The following DLG2 variants were observed in gnomAD, a reference collection of about 807,000 sequenced individuals.
DLG2 encodes the protein discs large MAGUK scaffold protein 2.
DLG2 carries 45 observed loss-of-function variants against 132.5 expected under a neutral mutation model. The ratio of observed to expected loss-of-function variants is 0.34; its 90% CI spans 0.27 to 0.44. The LOEUF is 0.44. Ranked by LOEUF, DLG2 falls within the 20% of genes least tolerant of loss-of-function variation. The probability of loss-of-function intolerance (pLI) is 1.00; values close to 1 mark genes in which losing one functional copy is unlikely to be tolerated. For missense variants in DLG2, 1,045 were observed against 1,196.9 expected (o/e 0.87, Z 1.87); for synonymous variants, 424 against 419.6 (o/e 1.01, Z -0.13).
rs561677054 is a variant in DLG2 at position 85,380,089 on chromosome 11, AC to A, written c.41-94725del. ...ATTTTTACACACATAAGAACTCCTCACCTAAATATCACCCACAGCTAACATT... is the reference window on the plus strand; with the variant it reads ...ATTTTTACACACATAAGAACTCCTCACTAAATATCACCCACAGCTAACATT... On this transcript the variant is annotated intron_variant, in intron 3 of 27. Coordinates refer to ENST00000376104, the MANE Select transcript of DLG2 (RefSeq NM_001142699.3). Among the ~76,000 whole-genome samples, 14 of 152,290 alleles carry A rather than the reference AC, an allele frequency of 9.2e-5. 1 individual carries two copies. The South Asian group carries it at 2.9e-3, about 32-fold the overall frequency.
intron 7 of DLG2, among the ~76,000 whole-genome samples, chr11:84,282,916 T>C (rs938069304): frequency 6.6e-6 from 1 of 152,200 alleles, no homozygotes; most frequent in Non-Finnish European, 1.5e-5. Context: ...TCTATAGGTA[T>C]ATTTTAAACA....
chr11:85,609,488 C>G (rs529635819), intron 2 of DLG2, among the ~76,000 whole-genome samples: 2 of 152,132 alleles, frequency 1.3e-5, no homozygotes, highest in Non-Finnish European at 2.9e-5. Flanking sequence ...GAAAATGGAG[C>G]AGGCCAATCA....
intron 11 of DLG2, among the ~76,000 whole-genome samples, chr11:84,043,410 G>T (rs940289322): frequency 2.6e-5 from 4 of 151,490 alleles, no homozygotes; most frequent in Non-Finnish European, 5.9e-5. Flanking sequence ...AGGTTCTGAG[G>T]TACGTGTGCA....
chr11:84,756,580 G>A (rs1040764649), intron 6 of DLG2, among the ~76,000 whole-genome samples: 1 of 152,124 alleles, frequency 6.6e-6, no homozygotes, highest in Admixed American at 6.5e-5. Flanking sequence ...TACCTTAGAA[G>A]GTTGTTAAGA....
Position 85,578,074 on chromosome 11 carries a change from A to G in DLG2, c.40+20583T>C, listed in dbSNP as rs144208284. ...ACAAGTGGAACAGAATAGAGAACCC[A>G]GCAATAAGAGCACACACCTACCACA... On this transcript the variant is annotated intron_variant, in intron 3 of 27. Coordinates refer to ENST00000376104, the MANE Select transcript of DLG2 (RefSeq NM_001142699.3). Among the ~76,000 whole-genome samples the G allele has an allele frequency of 5.3e-3, 811 of 152,278 alleles. 4 individuals are homozygous for G. Among genetic ancestry groups the G allele is most frequent in the Middle Eastern group, 0.017 (5 of 294 alleles).
intron 21 of DLG2, among the ~76,000 whole-genome samples, chr11:83,497,476 G>A (rs930205528): frequency 6.6e-6 from 1 of 151,812 alleles, no homozygotes; most frequent in Non-Finnish European, 1.5e-5. Context: ...CAGAGGATGC[G>A]GTGAGCCGAG....
intron 18 of DLG2, among the ~76,000 whole-genome samples, chr11:83,754,903 C>T (rs1471780428): frequency 1.3e-5 from 2 of 151,202 alleles, no homozygotes; most frequent in Admixed American, 6.6e-5. Context: ...TTTCTATAAT[C>T]GCTTTCATTT....
chr11:84,650,244 C>T (rs766859334), intron 6 of DLG2, among the ~76,000 whole-genome samples: 23 of 152,252 alleles, frequency 1.5e-4, no homozygotes, highest in Middle Eastern at 3.4e-3. Flanking sequence ...TTCTTTCTCC[C>T]ACTACAATTG....
chr11:85,023,889 T>G (rs889753294), intron 6 of DLG2, among the ~76,000 whole-genome samples: 3 of 152,164 alleles, frequency 2.0e-5, no homozygotes, highest in Admixed American at 2.0e-4. Context: ...AAACATAAAA[T>G]TGAAGTTTAT....
chr11:83,514,800 G>T (rs942912599), intron 21 of DLG2, among the ~76,000 whole-genome samples: 1 of 152,198 alleles, frequency 6.6e-6, no homozygotes, highest in Admixed American at 6.5e-5. Context: ...TGTGGTTTTT[G>T]TCATTGGTTC....
Position 84,124,207 on chromosome 11 carries a change from T to C in DLG2, c.625-25160A>G, listed in dbSNP as rs530756647. Among the ~76,000 whole-genome samples, 3 of 152,326 alleles carry C rather than the reference T, an allele frequency of 2.0e-5. No homozygotes were observed. The South Asian group carries it at 6.2e-4, about 32-fold the overall frequency. On this transcript the variant is annotated intron_variant, in intron 9 of 27. Transcript: ENST00000376104. ...TGACCACTACCAGCACATGTTTTTT[T>C]CCTATGTTATAGGTTTAACCAGAAA...
intron 6 of DLG2, chr11:84,955,504 A>T (rs1319172366): frequency 6.6e-6 from 1 of 152,094 alleles, no homozygotes; most frequent in East Asian, 1.9e-4. Flanking sequence ...CAAGCAGAGG[A>T]TTTTAGACTT....
At chr11:83,829,732 C>CTCAT (rs1555020271) in intron 17 of DLG2, among the ~76,000 whole-genome samples, 1 of 150,922 alleles carries the variant, frequency 6.6e-6, no homozygotes, top group Non-Finnish European at 1.5e-5. Context: ...TAGCCATTTT[C>CTCAT]TTATTTATTT....
At chr11:84,984,620 A>G (rs1244650446) in intron 6 of DLG2, among the ~76,000 whole-genome samples, 2 of 152,180 alleles carry the variant, frequency 1.3e-5, no homozygotes, top group African/African-American at 2.4e-5. Flanking sequence ...AAATAGCACA[A>G]TGAATGGAAT....
chr11:85,580,191 T>G (rs753787194), intron 3 of DLG2, among the ~76,000 whole-genome samples: 14 of 152,198 alleles, frequency 9.2e-5, no homozygotes, highest in Non-Finnish European at 4.4e-5. Context: ...CCCAGCCACA[T>G]GGAACTGTAA....
At chr11:85,357,238 T>TG (rs2083772506) in intron 3 of DLG2, among the ~76,000 whole-genome samples, 1 of 118,128 alleles carries the variant, frequency 8.5e-6, no homozygotes, top group Non-Finnish European at 1.8e-5. Flanking sequence ...AATATCCTCT[T>TG]TGTGTGTGTG....
At chr11:83,726,576 G>A (rs191617374) in intron 18 of DLG2, among the ~76,000 whole-genome samples, 56 of 152,252 alleles carry the variant, frequency 3.7e-4, no homozygotes, top group Middle Eastern at 3.4e-3. Context: ...AGGAAGGCAG[G>A]TATTCAATCA....
intron 4 of DLG2, among the ~76,000 whole-genome samples, chr11:85,216,248 T>C (rs778618862): frequency 7.2e-5 from 11 of 152,166 alleles, no homozygotes; most frequent in Non-Finnish European, 1.5e-4. Context: ...TAACACAGGA[T>C]CATACAAATA....
rs542371224 is a variant in DLG2 at position 83,701,585 on chromosome 11, A to G, written c.1826-68260T>C. Among the ~76,000 whole-genome samples, 345 of 152,366 alleles carry G rather than the reference A, an allele frequency of 2.3e-3. 1 individual carries two copies. The highest frequency in any genetic ancestry group is 3.1e-3 in the Non-Finnish European group (214 of 68,036). On this transcript the variant is annotated intron_variant, in intron 18 of 27. Coordinates refer to ENST00000376104, the MANE Select transcript of DLG2 (RefSeq NM_001142699.3). Reference sequence around the variant, plus strand: ...AGGGAAGATGAACAAAGAAGGCTGTATGGAATTAGGGACGCTATGAAAGAA... The same window carrying G: ...AGGGAAGATGAACAAAGAAGGCTGTGTGGAATTAGGGACGCTATGAAAGAA...
Sources: gnomAD v4.1 joint callset for allele counts (sites outside exome capture counted in the v4.1 genomes callset) on GRCh38, gnomAD v4.1.1 for gene constraint, MANE v1.5 for transcripts, NCBI Gene and HGNC (gene_info 2026-07-23, HGNC 2026-07-21) for gene names.